The following PLEKHM3 variants were observed in gnomAD, a reference collection of about 807,000 sequenced individuals.
The protein encoded by PLEKHM3 is pleckstrin homology domain-containing family M member 3.
A neutral mutation model predicts 81.8 loss-of-function variants in PLEKHM3; 45 were observed. The ratio of observed to expected loss-of-function variants is 0.55; its 90% CI spans 0.43 to 0.71. PLEKHM3 has a LOEUF of 0.71. PLEKHM3 is among the 30% of genes least tolerant of loss of function. The pLI, the probability that PLEKHM3 is intolerant of heterozygous loss-of-function variation, is 0.00. For synonymous variants in PLEKHM3, 352 were observed against 356.4 expected, an observed-to-expected ratio of 0.99 and a Z score of 0.14; for missense variants, 788 against 924.3, an observed-to-expected ratio of 0.85 and a Z score of 1.91.
At chr2:208,023,770 G>T (rs992212461) in intron 1 of PLEKHM3, among the ~76,000 whole-genome samples, 3 of 152,046 alleles carry the variant, frequency 2.0e-5, no homozygotes, top group Non-Finnish European at 2.9e-5. Context: ...AACCACCAGG[G>T]GACCGCAGCA....
intron 7 of PLEKHM3, among the ~76,000 whole-genome samples, chr2:207,859,692 G>A: frequency 6.6e-6 from 1 of 151,834 alleles, no homozygotes; most frequent in Non-Finnish European, 1.5e-5. Flanking sequence ...CCACCGCCTG[G>A]GTTCAAGTGA....
intron 1 of PLEKHM3, among the ~76,000 whole-genome samples, chr2:208,013,714 C>T (rs1338035378): frequency 6.6e-6 from 1 of 152,130 alleles, no homozygotes; most frequent in African/African-American, 2.4e-5. Flanking sequence ...CAACAGAAGG[C>T]CTTTGCTGGG....
At chr2:207,915,367 G>A (rs1688953016) in intron 5 of PLEKHM3, among the ~76,000 whole-genome samples, 1 of 152,186 alleles carries the variant, frequency 6.6e-6, no homozygotes, top group South Asian at 2.1e-4. Flanking sequence ...ATTCCATTTT[G>A]TTCCATGACA....
intron 3 of PLEKHM3, among the ~76,000 whole-genome samples, chr2:207,961,675 C>T (rs1337466735): frequency 1.3e-5 from 2 of 152,118 alleles, no homozygotes; most frequent in Non-Finnish European, 2.9e-5. Flanking sequence ...AGTGTGCTTG[C>T]CCATCGTCCC....
intron 1 of PLEKHM3, among the ~76,000 whole-genome samples, chr2:208,014,756 G>C (rs946300397): frequency 6.6e-6 from 1 of 152,242 alleles, no homozygotes; most frequent in Admixed American, 6.5e-5. Context: ...GCATGGCATA[G>C]ATTTTTATCA....
At chr2:207,940,204 C>G (rs1440070384) in intron 4 of PLEKHM3, among the ~76,000 whole-genome samples, 1 of 152,166 alleles carries the variant, frequency 6.6e-6, no homozygotes, top group East Asian at 1.9e-4. Context: ...AAGCAACTAG[C>G]TGTTATATAG....
intron 7 of PLEKHM3, among the ~76,000 whole-genome samples, chr2:207,829,220 CT>C (rs1383768205): frequency 6.6e-6 from 1 of 152,136 alleles, no homozygotes; most frequent in East Asian, 1.9e-4. Flanking sequence ...TGTTGTTTGG[CT>C]TGGTGGAAGC....
chr2:208,002,095 G>C (rs1355748070), intron 1 of PLEKHM3, 138 bp from the exon 2 acceptor site: 1 of 165,064 alleles, frequency 6.1e-6, no homozygotes, highest in Non-Finnish European at 1.3e-5. Context: ...CTACACAGAA[G>C]TGCCATTGTC....
At chr2:207,925,571 G>A (rs1689366433) in intron 5 of PLEKHM3, among the ~76,000 whole-genome samples, 1 of 152,230 alleles carries the variant, frequency 6.6e-6, no homozygotes, top group African/African-American at 2.4e-5. Context: ...AAAGCTAACA[G>A]AGACAGAAAT....
At chr2:207,962,222 A>G (rs763168755) in intron 3 of PLEKHM3, among the ~76,000 whole-genome samples, 1 of 152,160 alleles carries the variant, frequency 6.6e-6, no homozygotes, top group Non-Finnish European at 1.5e-5. Flanking sequence ...AGGAAGGGGA[A>G]GGAGGCTGGA....
At chr2:207,929,281 C>T (rs1048463092) in intron 5 of PLEKHM3, among the ~76,000 whole-genome samples, 1 of 152,174 alleles carries the variant, frequency 6.6e-6, no homozygotes, top group Non-Finnish European at 1.5e-5. Context: ...TGGTAAACCA[C>T]CAGACTGCTG....
intron 5 of PLEKHM3, among the ~76,000 whole-genome samples, chr2:207,918,248 C>A (rs185352946): frequency 6.6e-6 from 1 of 152,150 alleles, no homozygotes; most frequent in East Asian, 1.9e-4. Flanking sequence ...CAGTGCCGGG[C>A]GTGGTGGCTC....
chr2:208,018,908 A>G (rs1038779487), intron 1 of PLEKHM3, among the ~76,000 whole-genome samples: 1 of 151,956 alleles, frequency 6.6e-6, no homozygotes, highest in Admixed American at 6.6e-5. Context: ...CATATAAAGA[A>G]TTTATAGAGG....
rs560281386 is a variant in PLEKHM3, at chr2:208,018,064, C to T, written c.-319+7325G>A. Among the ~76,000 whole-genome samples the T allele has an allele frequency of 5.3e-5, 8 of 152,250 alleles. No homozygotes were observed. In the East Asian group the frequency reaches 7.7e-4, roughly 15 times the overall value. ...ATCCTGTGGCTTTAGCTGCAATCCACGTGGCAGACAAGAAACATATTACTC... is the reference window on the plus strand; with the variant it reads ...ATCCTGTGGCTTTAGCTGCAATCCATGTGGCAGACAAGAAACATATTACTC... On this transcript the variant is annotated intron_variant, in intron 1 of 7. Coordinates refer to ENST00000427836, the MANE Select transcript of PLEKHM3 (RefSeq NM_001080475.3).
chr2:207,942,116 T>C (rs1689957283), intron 4 of PLEKHM3, among the ~76,000 whole-genome samples: 1 of 152,216 alleles, frequency 6.6e-6, no homozygotes, highest in African/African-American at 2.4e-5. Flanking sequence ...ATCTCACTGC[T>C]AGATATATAA....
At chr2:207,967,834 A>G (rs1020480564) in intron 3 of PLEKHM3, among the ~76,000 whole-genome samples, 1 of 152,140 alleles carries the variant, frequency 6.6e-6, no homozygotes, top group Non-Finnish European at 1.5e-5. Context: ...CAAACAGTGG[A>G]GGTACGGAGA....
chr2:207,970,623 C>T (rs1487343052), intron 3 of PLEKHM3, among the ~76,000 whole-genome samples: 1 of 152,164 alleles, frequency 6.6e-6, no homozygotes, highest in East Asian at 1.9e-4. Context: ...GTGTTTCTTG[C>T]CTTTGATTCC....
At chr2:207,828,622 A>G (rs1335858064) in intron 7 of PLEKHM3, 126 bp from the exon 8 acceptor site, 2 of 844,138 alleles carry the variant, frequency 2.4e-6, no homozygotes, top group Admixed American at 2.9e-5. Flanking sequence ...GCCAATGGGA[A>G]GGGAGATGAC....
intron 2 of PLEKHM3, among the ~76,000 whole-genome samples, chr2:207,989,259 G>A (rs902524061): frequency 6.6e-6 from 1 of 152,180 alleles, no homozygotes; most frequent in African/African-American, 2.4e-5. Context: ...GAAAAGATGG[G>A]CCCCAAAGTA....
Sources: allele counts gnomAD v4.1 joint callset (sites outside exome capture counted in the v4.1 genomes callset), GRCh38; gene constraint gnomAD v4.1.1; transcripts MANE v1.5; gene names NCBI Gene and HGNC (gene_info 2026-07-23, HGNC 2026-07-21).